The following ANKFN1 variants were observed in gnomAD, a reference collection of about 807,000 sequenced individuals.
The protein encoded by ANKFN1 is ankyrin repeat and fibronectin type-III domain-containing protein 1.
ANKFN1 carries 74 observed loss-of-function variants against 108.7 expected under a neutral mutation model. The observed-to-expected ratio is 0.68, with a 90% CI of 0.56 to 0.83. The LOEUF is 0.83. Ranked by LOEUF, ANKFN1 falls within the 40% of genes least tolerant of loss-of-function variation. The pLI, the probability that ANKFN1 is intolerant of heterozygous loss-of-function variation, is 0.00. For missense variants in ANKFN1, 1,505 were observed against 1,382.3 expected (o/e 1.09, Z -1.41); for synonymous variants, 547 against 516.2 (o/e 1.06, Z -0.81).
chr17:56,384,278 AC>A (rs765904179), intron 8 of ANKFN1, among the ~76,000 whole-genome samples: 21 of 152,112 alleles, frequency 1.4e-4, no homozygotes, highest in African/African-American at 5.1e-4. Context: ...AAATTCAACA[AC>A]CCTTCATGCT....
Position 56,177,805 on chromosome 17 carries a change from TTTTTGTTTTG to T in ANKFN1, c.-71+24294_-71+24303del, listed in dbSNP as rs139512442. Among the ~76,000 whole-genome samples the T allele has an allele frequency of 3.4e-4, 52 of 151,592 alleles. 1 individual carries two copies. Among genetic ancestry groups the T allele is most frequent in the African/African-American group, 8.7e-4 (36 of 41,460 alleles). ...CTGCCAACATAGGTTTTTGTTTTTG[TTTTTGTTTTG>T]TTTTGTTTTGTTTTGTTTGTTTTTG... is the stretch of plus-strand genomic sequence containing the variant. On this transcript the variant is annotated intron_variant, in intron 1 of 20. Coordinates refer to ENST00000682825, the MANE Select transcript of ANKFN1 (RefSeq NM_001370326.1).
chr17:56,049,434 A>G (rs1904736186), intron 4 of ANKFN1, among the ~76,000 whole-genome samples: 1 of 151,918 alleles, frequency 6.6e-6, no homozygotes, highest in Non-Finnish European at 1.5e-5. Flanking sequence ...GTACATGTGC[A>G]CATTGTGCAG....
intron 8 of ANKFN1, among the ~76,000 whole-genome samples, chr17:56,411,301 A>C (rs2048083378): frequency 6.6e-6 from 1 of 152,264 alleles, no homozygotes; most frequent in Middle Eastern, 3.4e-3. Context: ...CTTTGTTTTT[A>C]GTGTATGGAA....
chr17:56,466,380 G>A lies in ANKFN1; in HGVS notation c.1582G>A (p.Gly528Arg). The part of the protein sequence containing the change: ...LQNLLGTHNL[G>R]RVYYEPIKDR... ...GAATTTACTTGGGACACACAACTTG[G>A]GAAGAGTTTACTATGAGCCCATTAA... Residue 528 changes from glycine to arginine, a missense_variant, in exon 15 of 21, where the codon GGA (glycine) becomes AGA (arginine). Transcript: ENST00000682825. 6.2e-7 allele frequency: 1 copy of A among 1,614,094 alleles called. No individual in the cohort carries two copies. The highest frequency in any genetic ancestry group is 8.5e-7 in the Non-Finnish European group (1 of 1,179,976).
chr17:56,399,846 TATATA>T (rs1567972999), intron 8 of ANKFN1, among the ~76,000 whole-genome samples: 237 of 114,436 alleles, frequency 2.1e-3, no homozygotes, highest in Middle Eastern at 0.011. Flanking sequence ...CCATTTTTTA[TATATA>T]TATATATATA....
At chr17:56,459,063 T>C (rs1329011042) in intron 14 of ANKFN1, among the ~76,000 whole-genome samples, 1 of 152,186 alleles carries the variant, frequency 6.6e-6, no homozygotes, top group East Asian at 1.9e-4. Context: ...GTATGCTCAG[T>C]GAGATTTTAG....
At chr17:56,399,904 TTA>T (rs1173145416) in intron 8 of ANKFN1, among the ~76,000 whole-genome samples, 10 of 146,786 alleles carry the variant, frequency 6.8e-5, no homozygotes, top group East Asian at 2.0e-4. Context: ...GTATTCCATT[TTA>T]TATATATATA....
At chr17:56,101,565 A>G (rs1002383740) in intron 4 of ANKFN1, among the ~76,000 whole-genome samples, 5 of 152,218 alleles carry the variant, frequency 3.3e-5, no homozygotes, top group Admixed American at 2.6e-4. Flanking sequence ...CACCAGTGCC[A>G]GTCCTCAAGA....
intron 18 of ANKFN1, among the ~76,000 whole-genome samples, chr17:56,489,468 AAC>A (rs1461662456): frequency 8.0e-4 from 115 of 143,848 alleles, no homozygotes; most frequent in African/African-American, 3.0e-3. Flanking sequence ...AAAAAAAAAA[AAC>A]CACAAGAGCG....
intron 4 of ANKFN1, among the ~76,000 whole-genome samples, chr17:56,085,340 CAG>C (rs932138264): frequency 1.3e-5 from 2 of 150,536 alleles, no homozygotes; most frequent in African/African-American, 4.9e-5. Flanking sequence ...GTATTCTTGT[CAG>C]AGACACGCAG....
intron 8 of ANKFN1, among the ~76,000 whole-genome samples, chr17:56,407,804 TAA>T (rs931452106): frequency 6.6e-6 from 1 of 152,212 alleles, no homozygotes; most frequent in Non-Finnish European, 1.5e-5. Flanking sequence ...ATCTTAGAGA[TAA>T]GTTTCAATAA....
intron 3 of ANKFN1, among the ~76,000 whole-genome samples, chr17:56,231,429 A>C (rs1418917809): frequency 5.3e-5 from 8 of 152,170 alleles, no homozygotes; most frequent in Non-Finnish European, 1.2e-4. Flanking sequence ...TTATGTAGGC[A>C]AGAGTGATTT....
At chr17:56,192,705 T>C (rs1467576209) in intron 1 of ANKFN1, among the ~76,000 whole-genome samples, 13 of 72,318 alleles carry the variant, frequency 1.8e-4, no homozygotes, top group Non-Finnish European at 3.2e-4. Flanking sequence ...CTATGAGATA[T>C]CATCTCACAC....
chr17:56,338,822 G>T (rs1351560930), intron 4 of ANKFN1, among the ~76,000 whole-genome samples: 1 of 152,032 alleles, frequency 6.6e-6, no homozygotes, highest in African/African-American at 2.4e-5. Context: ...ACAAAAGAAT[G>T]GGCAAGTTAG....
At chr17:56,153,649 C>T (rs1165008978) in intron 1 of ANKFN1, 119 bp downstream of exon 1, 1 of 1,335,942 alleles carries the variant, frequency 7.5e-7, no homozygotes, top group Admixed American at 1.7e-5. Context: ...AGCTGGTGAG[C>T]ATCCATGGTC....
chr17:56,148,461 A>C (rs1310279819), intron 4 of ANKFN1, among the ~76,000 whole-genome samples: 1 of 152,218 alleles, frequency 6.6e-6, no homozygotes, highest in Non-Finnish European at 1.5e-5. Context: ...GACAATTCAC[A>C]TGTTTCCGCT....
At chr17:56,075,252 CT>C (rs1905167754) in intron 4 of ANKFN1, among the ~76,000 whole-genome samples, 1 of 152,150 alleles carries the variant, frequency 6.6e-6, no homozygotes, top group Non-Finnish European at 1.5e-5. Flanking sequence ...CATTTAGCCC[CT>C]AGCTTCATTT....
At chr17:56,215,519 T>C (rs925523010) in intron 2 of ANKFN1, among the ~76,000 whole-genome samples, 4 of 152,170 alleles carry the variant, frequency 2.6e-5, no homozygotes, top group African/African-American at 4.8e-5. Context: ...TGGAGGGGCA[T>C]GGGCCCGAGA....
intron 4 of ANKFN1, among the ~76,000 whole-genome samples, chr17:56,055,490 ATGTGTGTGTGTATGTATGTCTGTGTG>A (rs1904851856): frequency 7.1e-6 from 1 of 140,330 alleles, no homozygotes; most frequent in Non-Finnish European, 1.5e-5. Context: ...GTATATATAT[ATGTGTGTGTGTATGTATGTCTGTGTG>A]TGTGTGTGTG....
Sources: gnomAD v4.1 joint callset for allele counts (sites outside exome capture counted in the v4.1 genomes callset) on GRCh38, gnomAD v4.1.1 for gene constraint, MANE v1.5 for transcripts, NCBI Gene and HGNC (gene_info 2026-07-23, HGNC 2026-07-21) for gene names.